Variants in ARHGAP42 observed in about 807,000 individuals in gnomAD.
The protein encoded by ARHGAP42 is Rho GTPase activating protein 42.
ARHGAP42 carries 63 observed loss-of-function variants against 125.0 expected under a neutral mutation model. The observed-to-expected ratio is 0.50, with a 90% confidence interval of 0.41 to 0.62. The LOEUF (loss-of-function observed/expected upper bound fraction) is 0.62, where lower values mean the gene tolerates loss of function less well. ARHGAP42 is among the 20% of genes least tolerant of loss of function. The probability of loss-of-function intolerance (pLI) is 0.00; values close to 1 mark genes in which losing one functional copy is unlikely to be tolerated. For missense variants in ARHGAP42, 766 were observed against 1,024.2 expected (o/e 0.75, Z 3.44); for synonymous variants, 339 against 351.0 (o/e 0.97, Z 0.38).
chr11:100,763,452 A>G (rs1230731955), intron 1 of ARHGAP42, among the ~76,000 whole-genome samples: 5 of 152,182 alleles, frequency 3.3e-5, no homozygotes, highest in Non-Finnish European at 5.9e-5. Context: ...GTGGCATTAG[A>G]AAGTAGAGGA....
At chr11:100,700,464 A>G (rs1194765592) in intron 1 of ARHGAP42, among the ~76,000 whole-genome samples, 2 of 152,188 alleles carry the variant, frequency 1.3e-5, no homozygotes, top group Admixed American at 6.5e-5. Flanking sequence ...GCATTCACCC[A>G]TAGTAGAACT....
At chr11:100,769,712 CTTTTTTTTTTTTT>C (rs140626690) in intron 1 of ARHGAP42, among the ~76,000 whole-genome samples, 15 of 78,094 alleles carry the variant, frequency 1.9e-4, no homozygotes, top group African/African-American at 4.5e-4. Flanking sequence ...AGCATTCCTT[CTTTTTTTTTTTTT>C]TTTTTTTTTT....
At chr11:100,692,283 A>C (rs1445781291) in intron 1 of ARHGAP42, among the ~76,000 whole-genome samples, 1 of 152,272 alleles carries the variant, frequency 6.6e-6, no homozygotes, top group Non-Finnish European at 1.5e-5. Flanking sequence ...AATTAAATAT[A>C]CACAAGCATG....
chr11:100,880,704 A>G (rs1234226312), intron 4 of ARHGAP42, among the ~76,000 whole-genome samples: 2 of 152,208 alleles, frequency 1.3e-5, no homozygotes, highest in Non-Finnish European at 2.9e-5. Context: ...ACTAGTTTAC[A>G]TCCCACCAGC....
intron 3 of ARHGAP42, among the ~76,000 whole-genome samples, chr11:100,838,365 C>G (rs1864865150): frequency 6.6e-6 from 1 of 152,022 alleles, no homozygotes; most frequent in Admixed American, 6.6e-5. Context: ...TATAGACATT[C>G]CTTTTTTCAA....
At chr11:100,876,930 G>A (rs756644461) in intron 4 of ARHGAP42, among the ~76,000 whole-genome samples, 9 of 152,158 alleles carry the variant, frequency 5.9e-5, no homozygotes, top group African/African-American at 9.7e-5. Context: ...TGCATCAAGA[G>A]CCTGGTGATT....
At chr11:100,774,945 C>T (rs756833476) in intron 2 of ARHGAP42, among the ~76,000 whole-genome samples, 11 of 152,020 alleles carry the variant, frequency 7.2e-5, no homozygotes, top group East Asian at 1.9e-4. Context: ...ATTCGTTGTT[C>T]GAGACCCAGT....
intron 6 of ARHGAP42, among the ~76,000 whole-genome samples, chr11:100,928,687 G>A (rs1442406555): frequency 6.6e-6 from 1 of 152,080 alleles, no homozygotes; most frequent in Non-Finnish European, 1.5e-5. Context: ...TCACAGATCT[G>A]TGCAACGATC....
At chr11:100,810,793 C>G (rs1053030032) in intron 3 of ARHGAP42, among the ~76,000 whole-genome samples, 1 of 152,126 alleles carries the variant, frequency 6.6e-6, no homozygotes, top group African/African-American at 2.4e-5. Context: ...AGAACACAAA[C>G]TGGGAAAGTC....
intron 1 of ARHGAP42, among the ~76,000 whole-genome samples, chr11:100,737,170 A>G (rs1862085021): frequency 6.6e-6 from 1 of 152,208 alleles, no homozygotes; most frequent in Non-Finnish European, 1.5e-5. Context: ...AATTGGGGAA[A>G]TGTGAATGTG....
chr11:100,926,148 G>C (rs1400541493), intron 6 of ARHGAP42, among the ~76,000 whole-genome samples: 2 of 152,174 alleles, frequency 1.3e-5, no homozygotes, highest in African/African-American at 2.4e-5. Flanking sequence ...AAACTTGTGT[G>C]TGTGTTGATT....
intron 3 of ARHGAP42, among the ~76,000 whole-genome samples, chr11:100,847,616 T>C (rs886531214): frequency 2.0e-5 from 3 of 152,102 alleles, no homozygotes; most frequent in African/African-American, 7.2e-5. Flanking sequence ...CTGAGAGCTG[T>C]GTAATTGCTA....
intron 1 of ARHGAP42, among the ~76,000 whole-genome samples, chr11:100,725,557 C>T (rs1861839956): frequency 6.6e-6 from 1 of 151,992 alleles, no homozygotes; most frequent in African/African-American, 2.4e-5. Flanking sequence ...CTTTTCGGAG[C>T]TGAGGCAGGA....
At chr11:100,716,332 A>T (rs1338832561) in intron 1 of ARHGAP42, among the ~76,000 whole-genome samples, 4 of 152,190 alleles carry the variant, frequency 2.6e-5, no homozygotes, top group African/African-American at 9.7e-5. Context: ...ACTGTGAAGG[A>T]CGTTTTTAAG....
intron 3 of ARHGAP42, chr11:100,840,655 A>G (rs1864923658): frequency 6.6e-6 from 1 of 152,150 alleles, no homozygotes; most frequent in Admixed American, 6.5e-5. Flanking sequence ...AAGGAGATGG[A>G]TTTATTTTAA....
intron 3 of ARHGAP42, among the ~76,000 whole-genome samples, chr11:100,796,922 A>C (rs1483679009): frequency 6.6e-6 from 1 of 151,936 alleles, no homozygotes; most frequent in Non-Finnish European, 1.5e-5. Flanking sequence ...GGTGCACCCC[A>C]CCCACCTGGC....
chr11:100,948,897 C>G (rs1192108927), intron 11 of ARHGAP42, among the ~76,000 whole-genome samples: 1 of 152,058 alleles, frequency 6.6e-6, no homozygotes, highest in Admixed American at 6.6e-5. Flanking sequence ...GAGTGATGAA[C>G]AAGGTTCAGG....
At chr11:100,705,341 A>G (rs1861467048) in intron 1 of ARHGAP42, among the ~76,000 whole-genome samples, 1 of 152,230 alleles carries the variant, frequency 6.6e-6, no homozygotes, top group Admixed American at 6.5e-5. Flanking sequence ...TAGTCAGCCT[A>G]GAATAGTAGA....
rs575851585 is a variant in ARHGAP42 at position 100,807,286 on chromosome 11, C to T, written c.312+12120C>T. Among the ~76,000 whole-genome samples the T allele has an allele frequency of 1.2e-4, 19 of 152,196 alleles. 1 individual carries two copies. In the South Asian group the frequency reaches 2.5e-3, roughly 20 times the overall value. On this transcript the variant is annotated intron_variant, in intron 3 of 23. Transcript: ENST00000298815. ...TCTCGGCTCACTGCAACTTCCGCCC[C>T]CCAGGTTCAAGAGATTCTCCTGCCT...
Sources: gnomAD v4.1 joint callset for allele counts (sites outside exome capture counted in the v4.1 genomes callset) on GRCh38, gnomAD v4.1.1 for gene constraint, MANE v1.5 for transcripts, NCBI Gene and HGNC (gene_info 2026-07-23, HGNC 2026-07-21) for gene names.